Variants in THRB observed in about 807,000 individuals in gnomAD.
THRB encodes the protein nuclear receptor subfamily 1 group A member 2.
A neutral mutation model predicts 47.8 loss-of-function variants in THRB; 12 were observed. The observed-to-expected ratio is 0.25, with a 90% CI of 0.16 to 0.41. THRB has a LOEUF of 0.41. THRB is among the 10% of genes least tolerant of loss of function. The pLI, the probability that THRB is intolerant of heterozygous loss-of-function variation, is 1.00. For missense variants in THRB, 348 were observed against 589.2 expected, an observed-to-expected ratio of 0.59 and a Z score of 4.24; for synonymous variants, 218 against 212.2, an observed-to-expected ratio of 1.03 and a Z score of -0.24.
intron 3 of THRB, among the ~76,000 whole-genome samples, chr3:24,289,050 G>T (rs1172847396): frequency 1.3e-5 from 2 of 152,210 alleles, no homozygotes; most frequent in East Asian, 3.8e-4. Context: ...GCTAAGAAGA[G>T]GGAGGGGATG....
At position 24,439,960 on chromosome 3, in the gene THRB, G is replaced by T. The variant is rs1215849330; in HGVS notation, c.-261+54692C>A. 2.0e-5 allele frequency among the ~76,000 whole-genome samples: 3 copies of T among 152,194 alleles called. No individual in the cohort carries two copies. The East Asian group carries it at 5.8e-4, about 29-fold the overall frequency. Reference sequence around the variant, plus strand: ...AGTCATGTGACCCACATAGATCAAAGGAGGATTATCCTTTTTGTTTGGGAC... The same window carrying T: ...AGTCATGTGACCCACATAGATCAAATGAGGATTATCCTTTTTGTTTGGGAC... On this transcript the variant is annotated intron_variant, in intron 1 of 10. Transcript: ENST00000646209.
chr3:24,461,877 G>A (rs1019733470), intron 1 of THRB, among the ~76,000 whole-genome samples: 2 of 151,874 alleles, frequency 1.3e-5, no homozygotes, highest in African/African-American at 2.4e-5. Flanking sequence ...TAGGTATTAC[G>A]GCACATCTTT....
At chr3:24,313,073 C>T (rs1479906358) in intron 2 of THRB, among the ~76,000 whole-genome samples, 1 of 151,896 alleles carries the variant, frequency 6.6e-6, no homozygotes, top group Non-Finnish European at 1.5e-5. Flanking sequence ...AAAGAGGAAG[C>T]AAGTATGATT....
intron 1 of THRB, among the ~76,000 whole-genome samples, chr3:24,406,553 T>C (rs930421807): frequency 6.6e-6 from 1 of 151,812 alleles, no homozygotes; most frequent in Non-Finnish European, 1.5e-5. Context: ...GGAATTTTTT[T>C]AACTTGTGAG....
intron 3 of THRB, among the ~76,000 whole-genome samples, chr3:24,233,901 A>T (rs1312746464): frequency 1.3e-5 from 2 of 152,214 alleles, no homozygotes; most frequent in African/African-American, 4.8e-5. Flanking sequence ...ACGTCTAAGA[A>T]GATGCATGTC....
chr3:24,334,556 A>G (rs1332119474), intron 2 of THRB, among the ~76,000 whole-genome samples: 2 of 152,310 alleles, frequency 1.3e-5, no homozygotes, highest in African/African-American at 2.4e-5. Flanking sequence ...GGGCCTCACT[A>G]TGGCATCTCA....
intron 1 of THRB, among the ~76,000 whole-genome samples, chr3:24,378,559 A>C (rs2065460419): frequency 2.0e-5 from 3 of 152,262 alleles, no homozygotes; most frequent in African/African-American, 7.2e-5. Context: ...ACCTATAAAA[A>C]CACTGTTATC....
At chr3:24,390,818 T>C (rs999150902) in intron 1 of THRB, among the ~76,000 whole-genome samples, 1 of 147,598 alleles carries the variant, frequency 6.8e-6, no homozygotes, top group African/African-American at 2.5e-5. Flanking sequence ...ATATATAATA[T>C]TATTTTTAAA....
rs146648845 is a variant in THRB at position 24,272,374 on chromosome 3, A to C, written c.-43+24852T>G. The stretch of plus-strand genomic sequence containing the variant: ...ACAACAACAACAACAACAACAACAA[A>C]CAAAAACAAACAAACAAACAAAAAA... On this transcript the variant is annotated intron_variant, in intron 3 of 10. Transcript: ENST00000646209. 7.0e-5 allele frequency among the ~76,000 whole-genome samples: 10 copies of C among 142,182 alleles called. No individual in the cohort carries two copies. In the South Asian group the frequency reaches 2.0e-3, roughly 28 times the overall value. The allele number at this position is 142,182 out of a possible 152,430, so 93.3% of individuals were successfully genotyped here.
At chr3:24,495,674 C>G (rs1320776281), upstream of THRB, 1 of 152,268 alleles carries the variant, frequency 6.6e-6, no homozygotes, top group Non-Finnish European at 1.5e-5. Context: ...GAGGGCGAGT[C>G]TTCCAGGAGC....
At chr3:24,269,277 CCACA>C (rs4024153) in intron 3 of THRB, among the ~76,000 whole-genome samples, 8,261 of 140,496 alleles carry the variant, frequency 0.059, 267 homozygotes, top group African/African-American at 0.074. Context: ...AATGGATACA[CCACA>C]CACACACACA....
At chr3:24,352,013 T>C (rs995249249) in intron 1 of THRB, among the ~76,000 whole-genome samples, 3 of 152,158 alleles carry the variant, frequency 2.0e-5, no homozygotes, top group African/African-American at 7.2e-5. Flanking sequence ...TGAAGAATGG[T>C]GTGAGCATCT....
At chr3:24,353,676 T>C (rs2063496026) in intron 1 of THRB, among the ~76,000 whole-genome samples, 1 of 152,078 alleles carries the variant, frequency 6.6e-6, no homozygotes, top group South Asian at 2.1e-4. Flanking sequence ...CTTTATATAT[T>C]AGGCGATTCC....
chr3:24,253,624 A>G (rs2050894662), intron 3 of THRB, among the ~76,000 whole-genome samples: 1 of 152,220 alleles, frequency 6.6e-6, no homozygotes, highest in Non-Finnish European at 1.5e-5. Flanking sequence ...CGGAATTGTC[A>G]CATGGGGCTG....
chr3:24,389,640 G>C (rs546838602), intron 1 of THRB, among the ~76,000 whole-genome samples: 2 of 152,200 alleles, frequency 1.3e-5, no homozygotes, highest in Admixed American at 6.5e-5. Context: ...TTGGGGGAAA[G>C]GGTTTTTCCA....
intron 1 of THRB, among the ~76,000 whole-genome samples, chr3:24,410,657 A>T (rs1407432495): frequency 6.6e-6 from 1 of 151,884 alleles, no homozygotes; most frequent in East Asian, 1.9e-4. Context: ...ATTTATGCTC[A>T]TTTGACCCAT....
intron 5 of THRB, among the ~76,000 whole-genome samples, chr3:24,160,111 G>T (rs1260469113): frequency 6.6e-6 from 1 of 152,184 alleles, no homozygotes; most frequent in Non-Finnish European, 1.5e-5. Flanking sequence ...ACAGTGGCAA[G>T]GTGGCCCACC....
At chr3:24,443,610 G>A (rs1437657719) in intron 1 of THRB, among the ~76,000 whole-genome samples, 2 of 152,046 alleles carry the variant, frequency 1.3e-5, no homozygotes, top group African/African-American at 4.8e-5. Context: ...TTTCATCAGG[G>A]CCAAGTAGGC....
intron 3 of THRB, among the ~76,000 whole-genome samples, chr3:24,268,732 A>C (rs1423778917): frequency 1.3e-5 from 2 of 152,126 alleles, no homozygotes; most frequent in African/African-American, 2.4e-5. Context: ...ATGTTCTTCA[A>C]ATGTTTGTGC....
Sources: gnomAD v4.1 joint callset for allele counts (sites outside exome capture counted in the v4.1 genomes callset) on GRCh38, gnomAD v4.1.1 for gene constraint, MANE v1.5 for transcripts, NCBI Gene and HGNC (gene_info 2026-07-23, HGNC 2026-07-21) for gene names.